Variants in SH3RF3 observed in about 807,000 individuals in gnomAD.
The protein encoded by SH3RF3 is SH3 domain containing ring finger 3.
SH3RF3 carries 29 observed loss-of-function variants against 66.3 expected under a neutral mutation model. That is an observed-to-expected ratio of 0.44 (90% confidence interval 0.33 to 0.60). The LOEUF (loss-of-function observed/expected upper bound fraction) is 0.60, where lower values mean the gene tolerates loss of function less well. Ranked by LOEUF, SH3RF3 falls within the 20% of genes least tolerant of loss-of-function variation. The probability of loss-of-function intolerance (pLI) is 0.04; values close to 1 mark genes in which losing one functional copy is unlikely to be tolerated. For missense variants in SH3RF3, 1,194 were observed against 1,190.9 expected, an observed-to-expected ratio of 1.00 and a Z score of -0.04; for synonymous variants, 583 against 532.0, an observed-to-expected ratio of 1.10 and a Z score of -1.32.
intron 1 of SH3RF3, among the ~76,000 whole-genome samples, chr2:109,150,668 T>A (rs1677207169): frequency 6.6e-6 from 1 of 152,034 alleles, no homozygotes; most frequent in Non-Finnish European, 1.5e-5. Context: ...TGCCTCTGGT[T>A]CCAGTCTGGC....
intron 3 of SH3RF3, among the ~76,000 whole-genome samples, chr2:109,397,488 G>A (rs1676180964): frequency 6.6e-6 from 1 of 152,154 alleles, no homozygotes; most frequent in African/African-American, 2.4e-5. Flanking sequence ...ATCACTGTGA[G>A]CTCCCCATAT....
chr2:109,434,598 A>T (rs1677347871), intron 6 of SH3RF3, among the ~76,000 whole-genome samples: 1 of 152,140 alleles, frequency 6.6e-6, no homozygotes, highest in African/African-American at 2.4e-5. Context: ...ATCCCTGAAT[A>T]TCCTTCAAGA....
chr2:109,172,219 C>T (rs1398476356), intron 1 of SH3RF3, among the ~76,000 whole-genome samples: 1 of 152,222 alleles, frequency 6.6e-6, no homozygotes, highest in African/African-American at 2.4e-5. Context: ...GGCAGCCAGG[C>T]CTCTGAGCAC....
Position 109,250,412 on chromosome 2 carries a change from T to A in SH3RF3, c.574-97262T>A, listed in dbSNP as rs141669272. Among the ~76,000 whole-genome samples, 859 of 152,154 alleles carry A rather than the reference T, an allele frequency of 5.6e-3. 10 individuals carry two copies. The highest frequency in any genetic ancestry group is 0.02 in the African/African-American group (824 of 41,522). On this transcript the variant is annotated intron_variant, in intron 1 of 9. Coordinates refer to ENST00000309415, the MANE Select transcript of SH3RF3 (RefSeq NM_001099289.3). ...TAAGCTTGTATTATATACAACTTCG[T>A]TTCTTCATGAAACAATCATCATAAT...
chr2:109,498,077 C>T (rs1178863372), intron 9 of SH3RF3, among the ~76,000 whole-genome samples: 1 of 152,124 alleles, frequency 6.6e-6, no homozygotes, highest in Non-Finnish European at 1.5e-5. Context: ...ATCTGTCCTC[C>T]TTGAAGGAGG....
At chr2:109,462,673 A>G (rs933882775) in intron 8 of SH3RF3, among the ~76,000 whole-genome samples, 1 of 152,176 alleles carries the variant, frequency 6.6e-6, no homozygotes, top group African/African-American at 2.4e-5. Flanking sequence ...CTTGCATAAC[A>G]GCCCTCTCTC....
At chr2:109,267,604 G>A (rs1285929691) in intron 1 of SH3RF3, among the ~76,000 whole-genome samples, 4 of 152,170 alleles carry the variant, frequency 2.6e-5, no homozygotes, top group Non-Finnish European at 4.4e-5. Context: ...GTGATGGGTG[G>A]ACCAGGCTGA....
At chr2:109,457,561 G>A (rs1435850750) in intron 8 of SH3RF3, among the ~76,000 whole-genome samples, 3 of 152,216 alleles carry the variant, frequency 2.0e-5, no homozygotes, top group African/African-American at 7.2e-5. Flanking sequence ...AGTGCCACAC[G>A]AGCTGAACAA....
intron 1 of SH3RF3, among the ~76,000 whole-genome samples, chr2:109,334,593 C>G (rs923929648): frequency 6.6e-6 from 1 of 152,104 alleles, no homozygotes; most frequent in Non-Finnish European, 1.5e-5. Context: ...GTGAGGCAGC[C>G]ACAGTGTCCA....
chr2:109,293,112 T>G (rs1681226959), intron 1 of SH3RF3, among the ~76,000 whole-genome samples: 1 of 152,184 alleles, frequency 6.6e-6, no homozygotes, highest in South Asian at 2.1e-4. Flanking sequence ...GCCATGACAC[T>G]GCAGGGGACA....
Position 109,338,379 on chromosome 2 carries a change from G to T in SH3RF3, c.574-9295G>T, listed in dbSNP as rs73955546. Among the ~76,000 whole-genome samples the T allele has an allele frequency of 9.0e-3, 1,363 of 151,976 alleles. 23 individuals are homozygous for T. Among genetic ancestry groups the T allele is most frequent in the African/African-American group, 0.029 (1,207 of 41,438 alleles). On this transcript the variant is annotated intron_variant, in intron 1 of 9. Transcript: ENST00000309415. ...AAACTCCTTGAGCGCTGGGGACCCA[G>T]TTCTAACACAGGCCTCCTTCCTTTT...
At chr2:109,232,390 C>G (rs1281347051) in intron 1 of SH3RF3, among the ~76,000 whole-genome samples, 1 of 152,208 alleles carries the variant, frequency 6.6e-6, no homozygotes, top group African/African-American at 2.4e-5. Context: ...GTACTTATCA[C>G]TAACTGTGTT....
At chr2:109,210,823 T>C (rs930109705) in intron 1 of SH3RF3, among the ~76,000 whole-genome samples, 1 of 152,222 alleles carries the variant, frequency 6.6e-6, no homozygotes, top group East Asian at 1.9e-4. Context: ...CTACAAAATG[T>C]AGCTTTTTAA....
chr2:109,274,804 AG>A (rs1350340991), intron 1 of SH3RF3, among the ~76,000 whole-genome samples: 5 of 152,168 alleles, frequency 3.3e-5, no homozygotes, highest in African/African-American at 1.2e-4. Flanking sequence ...CATCAATAAA[AG>A]AGCTAGTTCT....
At position 109,502,033 on chromosome 2, in the gene SH3RF3, G is replaced by A. The variant is rs191067991; in HGVS notation, c.*362G>A. 2.7e-3 allele frequency: 596 copies of A among 220,346 alleles called. 4 individuals are homozygous for A. Among genetic ancestry groups the A allele is most frequent in the African/African-American group, 0.012 (541 of 45,078 alleles). The allele number at this position is 220,346 out of a possible 1,614,324, so 13.6% of individuals were successfully genotyped here. On this transcript the variant is annotated 3_prime_UTR_variant, in exon 10 of 10. Transcript: ENST00000309415. ...CTAAGCAGGGTTGGAGGTTGCAGGA[G>A]GTCTGCAGGCGAGGTGGGTGGCATG...
intron 1 of SH3RF3, among the ~76,000 whole-genome samples, chr2:109,195,623 CCTCT>C (rs1440507273): frequency 6.6e-6 from 1 of 152,188 alleles, no homozygotes; most frequent in Non-Finnish European, 1.5e-5. Context: ...TGGAAGGATG[CCTCT>C]TTCCCCGCAG....
chr2:109,416,396 A>G (rs1291378854), intron 4 of SH3RF3, among the ~76,000 whole-genome samples: 2 of 151,966 alleles, frequency 1.3e-5, no homozygotes, highest in African/African-American at 4.8e-5. Flanking sequence ...GGAGTTCAAG[A>G]CTAGCCTGGC....
intron 3 of SH3RF3, 119 bp from the exon 4 acceptor site, chr2:109,398,471 T>C (rs913909144): frequency 4.4e-6 from 4 of 911,644 alleles, no homozygotes; most frequent in Non-Finnish European, 4.9e-6. Context: ...CCCTGCAGTC[T>C]GACGGATTTG....
intron 1 of SH3RF3, among the ~76,000 whole-genome samples, chr2:109,171,647 A>ATCCAGGGC (rs1424581591): frequency 1.3e-5 from 2 of 152,234 alleles, no homozygotes; most frequent in Admixed American, 6.5e-5. Context: ...GCGGGAATGA[A>ATCCAGGGC]TCCAGGGCTC....
Sources: gnomAD v4.1 joint callset for allele counts (sites outside exome capture counted in the v4.1 genomes callset) on GRCh38, gnomAD v4.1.1 for gene constraint, MANE v1.5 for transcripts, NCBI Gene and HGNC (gene_info 2026-07-23, HGNC 2026-07-21) for gene names.